Variants in NSMCE2 observed in about 807,000 individuals in gnomAD.
NSMCE2 encodes the protein E3 SUMO-protein ligase NSE2.
Under a neutral mutation model 23.8 loss-of-function variants are expected in NSMCE2, and 24 were observed. The ratio of observed to expected loss-of-function variants is 1.01; its 90% confidence interval spans 0.73 to 1.42. The LOEUF (loss-of-function observed/expected upper bound fraction) is 1.42. NSMCE2 is among the 40% of genes most tolerant of loss of function. The pLI is 0.00. For synonymous variants in NSMCE2, 92 were observed against 94.1 expected, an observed-to-expected ratio of 0.98 and a Z score of 0.13; for missense variants, 284 against 296.5, an observed-to-expected ratio of 0.96 and a Z score of 0.31.
intron 5 of NSMCE2, among the ~76,000 whole-genome samples, chr8:125,271,897 T>C (rs183652829): frequency 6.6e-6 from 1 of 152,332 alleles, no homozygotes; most frequent in Non-Finnish European, 1.5e-5. Context: ...TCTGTGAGTT[T>C]ATAGGTGGGG....
chr8:125,101,880 A>T (rs1447457624), intron 1 of NSMCE2, 171 bp from the exon 2 acceptor site: 1 of 152,796 alleles, frequency 6.5e-6, no homozygotes, highest in African/African-American at 2.4e-5. Flanking sequence ...TTCAGTATGC[A>T]TATATGTTGG....
chr8:125,356,496 T>G (rs1490564733), intron 5 of NSMCE2, among the ~76,000 whole-genome samples: 1 of 152,038 alleles, frequency 6.6e-6, no homozygotes. Context: ...GCCCAGCTAA[T>G]TTTTGTAGTT....
chr8:125,284,777 T>C (rs1827829949), intron 5 of NSMCE2, among the ~76,000 whole-genome samples: 1 of 152,152 alleles, frequency 6.6e-6, no homozygotes, highest in African/African-American at 2.4e-5. Flanking sequence ...AATTTTTGTT[T>C]TGTGAAAAAA....
chr8:125,172,186 G>A (rs1822252036), intron 4 of NSMCE2, among the ~76,000 whole-genome samples: 1 of 152,190 alleles, frequency 6.6e-6, no homozygotes, highest in African/African-American at 2.4e-5. Context: ...TCCAGGGTCT[G>A]TTGCCAGCCA....
intron 5 of NSMCE2, among the ~76,000 whole-genome samples, chr8:125,204,438 A>G (rs1193810421): frequency 6.6e-6 from 1 of 152,178 alleles, no homozygotes; most frequent in East Asian, 1.9e-4. Context: ...TAAGGTAGGA[A>G]ACTTACAAAT....
At chr8:125,333,502 G>GTTTTTTTTTTTTT (rs1308950464) in intron 5 of NSMCE2, among the ~76,000 whole-genome samples, 1 of 65,832 alleles carries the variant, frequency 1.5e-5, no homozygotes, top group African/African-American at 5.8e-5. Flanking sequence ...TTTCCTGGTG[G>GTTTTTTTTTTTTT]TTCTTTTTTT....
At chr8:125,236,380 T>A (rs1825552170) in intron 5 of NSMCE2, among the ~76,000 whole-genome samples, 1 of 150,458 alleles carries the variant, frequency 6.6e-6, no homozygotes, top group Non-Finnish European at 1.5e-5. Flanking sequence ...TATATATATA[T>A]CATATGATCC....
intron 5 of NSMCE2, among the ~76,000 whole-genome samples, chr8:125,219,059 T>C (rs1028441505): frequency 1.3e-5 from 2 of 152,164 alleles, no homozygotes; most frequent in African/African-American, 2.4e-5. Context: ...TGATTCTTAA[T>C]ATAGAGCCAG....
At chr8:125,355,542 A>T (rs969099617) in intron 5 of NSMCE2, among the ~76,000 whole-genome samples, 9 of 152,078 alleles carry the variant, frequency 5.9e-5, no homozygotes, top group Non-Finnish European at 1.0e-4. Context: ...TCTACTAAAA[A>T]TACAAAAATT....
At chr8:125,336,264 A>G (rs1354603486) in intron 5 of NSMCE2, among the ~76,000 whole-genome samples, 1 of 152,224 alleles carries the variant, frequency 6.6e-6, no homozygotes, top group Non-Finnish European at 1.5e-5. Context: ...TAAATAATCA[A>G]TTACTCAATT....
chr8:125,336,408 A>G (rs1329322053), intron 5 of NSMCE2, among the ~76,000 whole-genome samples: 5 of 152,100 alleles, frequency 3.3e-5, no homozygotes, highest in African/African-American at 9.7e-5. Flanking sequence ...TAGCTAGGGG[A>G]GGCAGGATTG....
intron 4 of NSMCE2, among the ~76,000 whole-genome samples, chr8:125,174,639 A>G (rs573883758): frequency 1.3e-5 from 2 of 152,334 alleles, no homozygotes; most frequent in South Asian, 4.1e-4. Context: ...AAACTAGACA[A>G]ATAACATTCT....
chr8:125,316,216 TAC>T (rs981068436), intron 5 of NSMCE2, among the ~76,000 whole-genome samples: 10 of 152,380 alleles, frequency 6.6e-5, no homozygotes, highest in African/African-American at 1.9e-4. Context: ...AGGTAGTTTC[TAC>T]ACAGTTTTCT....
intron 5 of NSMCE2, among the ~76,000 whole-genome samples, chr8:125,248,601 T>C (rs1293604101): frequency 1.3e-5 from 2 of 151,564 alleles, no homozygotes; most frequent in Admixed American, 6.6e-5. Flanking sequence ...TGCAGTGAGC[T>C]GAGATCACAC....
At chr8:125,237,524 T>C (rs770408062) in intron 5 of NSMCE2, among the ~76,000 whole-genome samples, 22 of 152,216 alleles carry the variant, frequency 1.4e-4, no homozygotes, top group Non-Finnish European at 2.5e-4. Context: ...TTAACTCCAC[T>C]TGCTGTGCTT....
At chr8:125,357,874 T>G in intron 7 of NSMCE2, 56 bp downstream of exon 7, 7 of 1,252,310 alleles carry the variant, frequency 5.6e-6, no homozygotes, top group Non-Finnish European at 8.2e-6. Context: ...TACTCAGAGG[T>G]GGCGTGTTCA....
At chr8:125,092,046 G>A (rs1276377402) in intron 1 of NSMCE2, 88 bp downstream of exon 1, 1 of 152,210 alleles carries the variant, frequency 6.6e-6, no homozygotes, top group East Asian at 1.9e-4. Flanking sequence ...CGAGCCGGGG[G>A]TCCGTCTACC....
chr8:125,357,395 T>C, intron 6 of NSMCE2, 76 bp downstream of exon 6: 3 of 1,053,942 alleles, frequency 2.8e-6, no homozygotes, highest in South Asian at 1.3e-5. Context: ...GTTTGCTTTC[T>C]GGTTTGATTT....
intron 5 of NSMCE2, among the ~76,000 whole-genome samples, chr8:125,317,576 T>G (rs1270454274): frequency 6.6e-6 from 1 of 152,186 alleles, no homozygotes; most frequent in Non-Finnish European, 1.5e-5. Context: ...TTACACATAA[T>G]AATTTTTGTC....
Sources: allele counts gnomAD v4.1 joint callset (sites outside exome capture counted in the v4.1 genomes callset), GRCh38; gene constraint gnomAD v4.1.1; transcripts MANE v1.5; gene names NCBI Gene and HGNC (gene_info 2026-07-23, HGNC 2026-07-21).